Variants in MAP3K2 observed in about 807,000 individuals in gnomAD.
MAP3K2 encodes MAP/ERK kinase kinase 2.
Under a neutral mutation model 80.3 loss-of-function variants are expected in MAP3K2, and 24 were observed. The observed-to-expected ratio is 0.30, with a 90% CI of 0.22 to 0.42. MAP3K2 has a LOEUF of 0.42. Ranked by LOEUF, MAP3K2 falls within the 10% of genes least tolerant of loss-of-function variation. The pLI is 1.00. For synonymous variants in MAP3K2, 244 were observed against 253.7 expected, an observed-to-expected ratio of 0.96 and a Z score of 0.36; for missense variants, 608 against 750.1, an observed-to-expected ratio of 0.81 and a Z score of 2.21.
chr2:127,361,047 C>T (rs532261272), intron 1 of MAP3K2, among the ~76,000 whole-genome samples: 3 of 152,050 alleles, frequency 2.0e-5, no homozygotes, highest in Non-Finnish European at 4.4e-5. Flanking sequence ...GGCGCGGTGG[C>T]TCAAGCCCGT....
chr2:127,322,450 A>T lies in MAP3K2; in HGVS notation c.839-198T>A, dbSNP rs561384798. Reference sequence around the variant, plus strand: ...AATCTCTTATGATAAAACATGTATGAGTGTGCACACAGAAACATACACACA... The same window carrying T: ...AATCTCTTATGATAAAACATGTATGTGTGTGCACACAGAAACATACACACA... On this transcript the variant is annotated intron_variant, in intron 11 of 16. Coordinates refer to ENST00000682094, the MANE Select transcript of MAP3K2 (RefSeq NM_001371910.2). This position sits in a 1 kb window ranked among gnomAD's most constrained non-coding sequence, Gnocchi z 4.2. Among the ~76,000 whole-genome samples, 1 of 152,332 alleles carries T rather than the reference A, an allele frequency of 6.6e-6. No individual in the cohort carries two copies. Among genetic ancestry groups the T allele is most frequent in the Non-Finnish European group, 1.5e-5 (1 of 68,034 alleles).
rs575561309 is a variant in MAP3K2 at position 127,313,812 on chromosome 2, G to A, written c.1456+942C>T. 2.6e-5 allele frequency among the ~76,000 whole-genome samples: 4 copies of A among 152,152 alleles called. No homozygotes were observed. In the South Asian group the frequency reaches 8.3e-4, roughly 32 times the overall value. ...TGTTGTAAATGTGGTCCATAATGAC[G>A]TGGAATCATCATTATGTGGCACATG... On this transcript the variant is annotated intron_variant, in intron 15 of 16. Coordinates refer to ENST00000682094, the MANE Select transcript of MAP3K2 (RefSeq NM_001371910.2).
chr2:127,327,627 T>C (rs903400974), intron 7 of MAP3K2, among the ~76,000 whole-genome samples: 1 of 151,680 alleles, frequency 6.6e-6, no homozygotes, highest in Non-Finnish European at 1.5e-5. Flanking sequence ...TTCACAGTAA[T>C]GCGTATGCCA....
At chr2:127,388,460 T>C (rs1027589843), upstream of MAP3K2, 16 of 961,114 alleles carry the variant, frequency 1.7e-5, no homozygotes, top group Non-Finnish European at 1.9e-5. Flanking sequence ...TGAGGGACTT[T>C]AGAAATTACT....
At chr2:127,308,047 TA>T (rs1352541878) in intron 16 of MAP3K2, among the ~76,000 whole-genome samples, 2 of 152,216 alleles carry the variant, frequency 1.3e-5, no homozygotes, top group African/African-American at 4.8e-5. Context: ...TTCATCTTAT[TA>T]TTTTTGTTTT....
intron 1 of MAP3K2, among the ~76,000 whole-genome samples, chr2:127,386,587 T>C (rs1687353078): frequency 6.6e-6 from 1 of 152,216 alleles, no homozygotes; most frequent in African/African-American, 2.4e-5. Context: ...TTTTACCAAA[T>C]GTATTTATTT....
chr2:127,332,285 C>T (rs897296188), intron 5 of MAP3K2, among the ~76,000 whole-genome samples: 2 of 152,112 alleles, frequency 1.3e-5, no homozygotes, highest in African/African-American at 2.4e-5. Context: ...ACTGTTCCGC[C>T]GATTTTTCAT....
chr2:127,343,881 C>CAGT (rs1686546174), intron 1 of MAP3K2, among the ~76,000 whole-genome samples: 1 of 151,802 alleles, frequency 6.6e-6, no homozygotes, highest in African/African-American at 2.4e-5. Flanking sequence ...TAGCCGGGTG[C>CAGT]AGTAGTGCAT....
intron 15 of MAP3K2, among the ~76,000 whole-genome samples, chr2:127,312,552 T>C (rs957094903): frequency 6.6e-6 from 1 of 152,124 alleles, no homozygotes; most frequent in African/African-American, 2.4e-5. Context: ...TCTCAGCTAC[T>C]CAGGAGGCTG....
At chr2:127,312,974 A>T (rs114180980) in intron 15 of MAP3K2, among the ~76,000 whole-genome samples, 3,196 of 152,116 alleles carry the variant, frequency 0.021, 90 homozygotes, top group African/African-American at 0.062. Context: ...TTAAAAAAAA[A>T]AAAAATAAAA....
Position 127,339,726 on chromosome 2 carries a change from A to G in MAP3K2, c.5-676T>C, listed in dbSNP as rs72964349. Among the ~76,000 whole-genome samples the G allele has an allele frequency of 7.4e-4, 113 of 152,316 alleles. No individual in the cohort carries two copies. Among genetic ancestry groups the G allele is most frequent in the African/African-American group, 2.6e-3 (108 of 41,580 alleles). ...GAACATGAACTTTTAGACTCTTATA[A>G]ATATACCAAAGATTTCCTTCTGAGA... is the stretch of plus-strand genomic sequence containing the variant. On this transcript the variant is annotated intron_variant, in intron 2 of 16. Transcript: ENST00000682094. The surrounding 1 kb of genome is among the most constrained non-coding windows in gnomAD (Gnocchi z 4.2).
intron 1 of MAP3K2, among the ~76,000 whole-genome samples, chr2:127,354,778 C>A (rs555608637): frequency 6.6e-5 from 10 of 152,030 alleles, no homozygotes; most frequent in Non-Finnish European, 1.5e-4. Context: ...CTAATAATAA[C>A]AGACCCAGAT....
intron 4 of MAP3K2, among the ~76,000 whole-genome samples, chr2:127,336,410 T>A (rs183380077): frequency 1.9e-4 from 29 of 152,358 alleles, no homozygotes; most frequent in African/African-American, 6.5e-4. Context: ...TTTGGGTACA[T>A]ATATCATGTA....
Position 127,377,698 on chromosome 2 carries a change from T to G in MAP3K2, c.-66+9754A>C, listed in dbSNP as rs1687174685. ...CTGGCACACAGTAGACAATCAAATA[T>G]TATCTCTGCTTCCTAAGATACGGTT... On this transcript the variant is annotated intron_variant, in intron 1 of 16. Transcript: ENST00000682094. Among the ~76,000 whole-genome samples, 3 of 152,198 alleles carry G rather than the reference T, an allele frequency of 2.0e-5. No individual in the cohort carries two copies. The South Asian group carries it at 6.2e-4, about 31-fold the overall frequency.
intron 1 of MAP3K2, among the ~76,000 whole-genome samples, chr2:127,371,157 T>G (rs543989141): frequency 6.6e-6 from 1 of 152,270 alleles, no homozygotes; most frequent in East Asian, 1.9e-4. Flanking sequence ...GCAGACAACT[T>G]CCGTATGACC....
chr2:127,307,668 G>A lies in MAP3K2; in HGVS notation c.1771C>T (p.Arg591Ter), dbSNP rs1172583326. Reference protein sequence around the residue: ...KLPPHVSDYTRDFLKRIFVEA... With the variant: ...KLPPHVSDYT ...ACAAAAATCCGTTTGAGGAAATCTC[G>A]AGTATAGTCTGAGACATGAGGTGGC... Residue 591 changes from arginine (R) to a stop codon, truncating the protein, a stop_gained, in exon 17 of 17, where the codon CGA (arginine) becomes TGA (stop). Transcript: ENST00000682094. LOFTEE classifies it high-confidence loss of function. This position sits in a 1 kb window ranked among gnomAD's most constrained non-coding sequence, Gnocchi z 5.4. 6.3e-7 allele frequency: 1 copy of A among 1,593,474 alleles called. No homozygotes were observed. Among genetic ancestry groups the A allele is most frequent in the Non-Finnish European group, 8.6e-7 (1 of 1,169,166 alleles).
Position 127,303,266 on chromosome 2 carries a change from T to C in MAP3K2, c.*4313A>G, listed in dbSNP as rs1685631561. The C allele has an allele frequency of 6.6e-6, 1 of 151,866 alleles. No individual in the cohort carries two copies. Among genetic ancestry groups the C allele is most frequent in the South Asian group, 2.1e-4 (1 of 4,818 alleles). 9.4% of individuals were successfully genotyped at this position (151,866 alleles called of 1,614,324 possible). A position where few individuals can be genotyped will look rare whatever the true frequency, so the allele number is the denominator to read the frequency against. On this transcript the variant is annotated 3_prime_UTR_variant, in exon 17 of 17. Transcript: ENST00000682094. ...CAGAGTTCAATTTCTATCAAATGTT[T>C]TGGGTATTTTCACAATTTAGACCAA...
At chr2:127,313,674 T>G (rs572781891) in intron 15 of MAP3K2, among the ~76,000 whole-genome samples, 8 of 152,232 alleles carry the variant, frequency 5.3e-5, no homozygotes, top group Admixed American at 5.2e-4. Flanking sequence ...GGAGATGCAT[T>G]CTGAAAAATG....
At chr2:127,378,260 G>C in intron 1 of MAP3K2, 2 of 384,616 alleles carry the variant, frequency 5.2e-6, no homozygotes, top group Non-Finnish European at 3.6e-6. Flanking sequence ...TTATTACGTA[G>C]TGCTGAATCC....
Sources: gnomAD v4.1 joint callset for allele counts (sites outside exome capture counted in the v4.1 genomes callset) on GRCh38, gnomAD v4.1.1 for gene constraint, Gnocchi (gnomAD v3.1) non-coding constraint, MANE v1.5 for transcripts, NCBI Gene and HGNC (gene_info 2026-07-23, HGNC 2026-07-21) for gene names.